CLDN14: variants seen among roughly 807,000 people sequenced by gnomAD.
The protein encoded by CLDN14 is claudin 14, also known as claudin-14.
CLDN14 carries 2 observed loss-of-function variants against 2.1 expected under a neutral mutation model. The observed-to-expected ratio is 0.96, with a 90% confidence interval of 0.39 to 3.01. The LOEUF (loss-of-function observed/expected upper bound fraction) is 3.01. CLDN14 is among the 30% of genes most tolerant of loss of function. The pLI is 0.09. For missense variants in CLDN14, 298 were observed against 328.0 expected, an observed-to-expected ratio of 0.91 and a Z score of 0.71; for synonymous variants, 136 against 154.4, an observed-to-expected ratio of 0.88 and a Z score of 0.88.
intron 2 of CLDN14, among the ~76,000 whole-genome samples, chr21:36,494,341 G>A (rs190022681): frequency 2.0e-5 from 3 of 152,236 alleles, no homozygotes; most frequent in African/African-American, 7.2e-5. Context: ...AGGGCTGAGA[G>A]GATATTCCTA....
intron 2 of CLDN14, among the ~76,000 whole-genome samples, chr21:36,489,957 A>G (rs1246777115): frequency 1.3e-5 from 2 of 152,216 alleles, no homozygotes; most frequent in Admixed American, 1.3e-4. Flanking sequence ...GAGCCGTTGA[A>G]TGAACAGGTG....
chr21:36,556,526 G>A (rs946951659), intron 1 of CLDN14, among the ~76,000 whole-genome samples: 6 of 152,132 alleles, frequency 3.9e-5, no homozygotes, highest in Non-Finnish European at 7.3e-5. Context: ...TATGAGTTTT[G>A]GCAAATTTTC....
chr21:36,538,769 C>T (rs1242923892), intron 1 of CLDN14, among the ~76,000 whole-genome samples: 2 of 151,558 alleles, frequency 1.3e-5, no homozygotes, highest in Admixed American at 6.6e-5. Context: ...ATTTTTTTTC[C>T]ACAGTTGGAG....
intron 2 of CLDN14, among the ~76,000 whole-genome samples, chr21:36,509,698 T>C (rs1383191622): frequency 6.6e-6 from 1 of 152,122 alleles, no homozygotes; most frequent in Non-Finnish European, 1.5e-5. Flanking sequence ...CGGCTTCAAG[T>C]GATTCTAATG....
chr21:36,543,504 C>T (rs1345677436), intron 1 of CLDN14, among the ~76,000 whole-genome samples: 6 of 152,310 alleles, frequency 3.9e-5, no homozygotes, highest in Admixed American at 1.3e-4. Context: ...TAGATTCTGC[C>T]TATAACTTAA....
chr21:36,574,917 C>T (rs2087731428), intron 1 of CLDN14, among the ~76,000 whole-genome samples: 1 of 152,132 alleles, frequency 6.6e-6, no homozygotes, highest in African/African-American at 2.4e-5. Context: ...TGCTTCCTTC[C>T]CTCCACCCCA....
At chr21:36,469,081 C>T (rs2086680466) in intron 1 of CLDN14, among the ~76,000 whole-genome samples, 1 of 152,140 alleles carries the variant, frequency 6.6e-6, no homozygotes, top group Non-Finnish European at 1.5e-5. Flanking sequence ...TTCCTAAGGG[C>T]ATCTTGGACA....
intron 1 of CLDN14, among the ~76,000 whole-genome samples, chr21:36,464,719 G>T (rs573864207): frequency 6.6e-6 from 1 of 152,350 alleles, no homozygotes; most frequent in East Asian, 1.9e-4. Context: ...AGCATGGTTT[G>T]AACACTGACA....
At chr21:36,532,966 C>T (rs919033007) in intron 1 of CLDN14, among the ~76,000 whole-genome samples, 1 of 152,084 alleles carries the variant, frequency 6.6e-6, no homozygotes, top group Admixed American at 6.5e-5. Context: ...CCCTTTGAGT[C>T]ACGACACCCC....
At chr21:36,474,332 C>A (rs780545261) in intron 1 of CLDN14, among the ~76,000 whole-genome samples, 15 of 152,082 alleles carry the variant, frequency 9.9e-5, no homozygotes, top group Non-Finnish European at 1.8e-4. Flanking sequence ...GCATTACAGG[C>A]GTTGCAGATA....
chr21:36,479,151 G>A (rs2086814235), intron 1 of CLDN14, among the ~76,000 whole-genome samples: 1 of 152,180 alleles, frequency 6.6e-6, no homozygotes, highest in Non-Finnish European at 1.5e-5. Context: ...CCCGAGCTGA[G>A]CTGTGGCCTC....
At chr21:36,495,166 A>G (rs1371030743) in intron 2 of CLDN14, among the ~76,000 whole-genome samples, 2 of 152,056 alleles carry the variant, frequency 1.3e-5, no homozygotes, top group Non-Finnish European at 2.9e-5. Flanking sequence ...CTTCTCTACT[A>G]AAAAATACAA....
rs887245426 is a variant in CLDN14, at chr21:36,572,764, G to A, written c.-220+3647C>T. 2.0e-5 allele frequency among the ~76,000 whole-genome samples: 3 copies of A among 152,182 alleles called. No individual in the cohort carries two copies. The East Asian group carries it at 5.8e-4, about 29-fold the overall frequency. ...GCTTATTAACTTTGGGACCTGACATGTGACTTAAACTAAGCTTTAGTTTCC... is the reference window on the plus strand; with the variant it reads ...GCTTATTAACTTTGGGACCTGACATATGACTTAAACTAAGCTTTAGTTTCC... On this transcript the variant is annotated intron_variant, in intron 1 of 2. Transcript: ENST00000342108.
intron 1 of CLDN14, among the ~76,000 whole-genome samples, chr21:36,573,599 TACA>T (rs2087723916): frequency 1.3e-5 from 2 of 152,304 alleles, no homozygotes; most frequent in Admixed American, 1.3e-4. Flanking sequence ...TGGTGAAAAC[TACA>T]ACACTTCAGT....
chr21:36,555,528 A>G (rs2087592577), intron 1 of CLDN14, among the ~76,000 whole-genome samples: 1 of 152,226 alleles, frequency 6.6e-6, no homozygotes, highest in Non-Finnish European at 1.5e-5. Context: ...GTAAAACCAA[A>G]GAGTGCAGGA....
At chr21:36,545,586 A>T (rs1465863018) in intron 1 of CLDN14, among the ~76,000 whole-genome samples, 1 of 152,208 alleles carries the variant, frequency 6.6e-6, no homozygotes, top group Non-Finnish European at 1.5e-5. Context: ...CATTTGGATC[A>T]TTCAAGCCTC....
intron 1 of CLDN14, among the ~76,000 whole-genome samples, chr21:36,528,995 C>A (rs1029128339): frequency 2.6e-5 from 4 of 152,166 alleles, no homozygotes. Flanking sequence ...GAGACTACCC[C>A]CTTAGTAACT....
At chr21:36,516,350 G>A (rs116819793) in intron 1 of CLDN14, among the ~76,000 whole-genome samples, 1,937 of 151,650 alleles carry the variant, frequency 0.013, 48 homozygotes, top group African/African-American at 0.044. Context: ...TTATTGTAAA[G>A]TTTTGATGCT....
intron 1 of CLDN14, among the ~76,000 whole-genome samples, chr21:36,473,142 T>C (rs2086731711): frequency 6.6e-6 from 1 of 151,458 alleles, no homozygotes; most frequent in African/African-American, 2.4e-5. Context: ...ATAGATGGGC[T>C]CTTGCTATAT....
Sources: gnomAD v4.1 joint callset for allele counts (sites outside exome capture counted in the v4.1 genomes callset) on GRCh38, gnomAD v4.1.1 for gene constraint, MANE v1.5 for transcripts, NCBI Gene and HGNC (gene_info 2026-07-23, HGNC 2026-07-21) for gene names.